ZNF497: variants seen among roughly 807,000 people sequenced by gnomAD.
ZNF497 encodes zinc finger protein 497.
For synonymous variants in ZNF497, 422 were observed against 313.7 expected, an observed-to-expected ratio of 1.35 and a Z score of -3.65; for missense variants, 930 against 714.0, an observed-to-expected ratio of 1.30 and a Z score of -3.45.
chr19:58,361,830 C>T (rs945200253), intron 1 of ZNF497, among the ~76,000 whole-genome samples: 6 of 152,148 alleles, frequency 3.9e-5, no homozygotes, highest in African/African-American at 1.4e-4. Context: ...ATCAGAAATC[C>T]GGGTCCCCCA....
intron 1 of ZNF497, chr19:58,359,627 CAG>C (rs1267535621): frequency 5.6e-6 from 2 of 359,984 alleles, no homozygotes; most frequent in South Asian, 4.1e-5. Context: ...ACAGGACACC[CAG>C]AGTCAGACCA....
chr19:58,358,495 G>A lies in ZNF497; in HGVS notation c.-21C>T. 7 of 1,177,776 alleles carry A rather than the reference G, an allele frequency of 5.9e-6. No homozygotes were observed. Among genetic ancestry groups the A allele is most frequent in the Admixed American group, 3.7e-5 (1 of 26,862 alleles). The allele number at this position is 1,177,776 out of a possible 1,614,324, so 73.0% of individuals were successfully genotyped here. A position where few individuals can be genotyped will look rare whatever the true frequency, so the allele number is the denominator to read the frequency against. On this transcript the variant is annotated 5_prime_UTR_variant, in exon 2 of 3. Coordinates refer to ENST00000311044, the MANE Select transcript of ZNF497 (RefSeq NM_198458.3). ...TGTGTAGATGGTGCCATACCTGGAG[G>A]TGGGGCCTGGAAGGGGCCCAGGGGA...
At chr19:58,359,290 T>C in intron 1 of ZNF497, 1 of 1,281,756 alleles carries the variant, frequency 7.8e-7, no homozygotes, top group Admixed American at 2.3e-5. Context: ...GGGAGGGGAG[T>C]GCAGCTGCAT....
In ZNF497 at chr19:58,356,535, GA is replaced by G. The variant is rs1400229378; in HGVS notation, c.1100del (p.Phe367SerfsTer8). The G allele has an allele frequency of 6.5e-7, 1 of 1,549,868 alleles. No individual in the cohort carries two copies. Among genetic ancestry groups the G allele is most frequent in the Admixed American group, 1.9e-5 (1 of 52,048 alleles). ...GGCTCAGTAGGTTGGAGCGCTGGCT[GA>G]AGGCCTTGCCGCACTGGGCGCACGC... is the stretch of plus-strand genomic sequence containing the variant. ...PHACAQCGKA[F>X]SQRSNLLSHR... On this transcript the variant is annotated frameshift_variant, in exon 3 of 3. Transcript: ENST00000311044. LOFTEE classifies it low-confidence loss of function (END_TRUNC).
chr19:58,358,892 C>G (rs1267589744), intron 1 of ZNF497: 1 of 455,504 alleles, frequency 2.2e-6, no homozygotes, highest in Admixed American at 2.4e-5. Flanking sequence ...CCCAGACCAG[C>G]CCCCACTCAT....
intron 1 of ZNF497, chr19:58,359,513 A>T: frequency 2.2e-6 from 1 of 454,942 alleles, no homozygotes; most frequent in Non-Finnish European, 4.4e-6. Flanking sequence ...TGCTTGTACC[A>T]TCCCTTCCCC....
At chr19:58,361,785 G>A (rs776254191) in intron 1 of ZNF497, among the ~76,000 whole-genome samples, 9 of 152,180 alleles carry the variant, frequency 5.9e-5, no homozygotes, top group Non-Finnish European at 1.0e-4. Flanking sequence ...AACGACATCT[G>A]ATTTCAATAA....
rs910547082 is a variant in ZNF497, at chr19:58,354,575, G to A, written c.*1564C>T. 5 of 152,452 alleles carry A rather than the reference G, an allele frequency of 3.3e-5. No individual in the cohort carries two copies. The highest frequency in any genetic ancestry group is 9.6e-5 in the African/African-American group (4 of 41,586). 9.4% of individuals were successfully genotyped at this position (152,452 alleles called of 1,614,324 possible). ...ATGAAGACCAGCTGGGCACTGCAGC[G>A]GCTCTGGCTTCTGCTGTGAGGGACG... On this transcript the variant is annotated 3_prime_UTR_variant, in exon 3 of 3. Coordinates refer to ENST00000311044, the MANE Select transcript of ZNF497 (RefSeq NM_198458.3).
Position 58,356,211 on chromosome 19 carries a change from G to T in ZNF497, c.1425C>A (p.Cys475Ter). ...TGERPYACGE[C>*]GKPFSHRCNL... ...TGCAACGGTGGCTGAAAGGCTTCCC[G>T]CACTCGCCGCAAGCGTAGGGCCTCT... The change falls in exon 3 of 3, where the codon TGC (cysteine) becomes TGA (stop). Residue 475 changes from cysteine to a stop codon, truncating the protein, a stop_gained. Transcript: ENST00000311044. LOFTEE classifies it low-confidence loss of function (END_TRUNC). 6.2e-6 allele frequency: 10 copies of T among 1,601,294 alleles called. No individual in the cohort carries two copies. Among genetic ancestry groups the T allele is most frequent in the Non-Finnish European group, 6.8e-6 (8 of 1,173,008 alleles).
chr19:58,356,283 G>T lies in ZNF497; in HGVS notation c.1353C>A (p.Phe451Leu), dbSNP rs769969744. ...PFVCAHCSKA[F>L]VRKSELLSHR... Reference sequence around the variant, plus strand: ...GGCTTAAGAGCTCCGACTTGCGCACGAAGGCCTTGCTGCAGTGGGCGCAGA... The same window carrying T: ...GGCTTAAGAGCTCCGACTTGCGCACTAAGGCCTTGCTGCAGTGGGCGCAGA... Residue 451 changes from phenylalanine to leucine, a missense_variant, in exon 3 of 3, where the codon TTC (phenylalanine) becomes TTA (leucine). Coordinates refer to ENST00000311044, the MANE Select transcript of ZNF497 (RefSeq NM_198458.3). The T allele has an allele frequency of 5.0e-6, 8 of 1,597,302 alleles. No individual in the cohort carries two copies. Among genetic ancestry groups the T allele is most frequent in the East Asian group, 2.3e-5 (1 of 44,296 alleles).
intron 1 of ZNF497, among the ~76,000 whole-genome samples, chr19:58,361,380 A>G (rs1390509136): frequency 6.6e-6 from 1 of 151,614 alleles, no homozygotes; most frequent in Non-Finnish European, 1.5e-5. Context: ...TTTTTGAGAC[A>G]GAGTCTCGCT....
In ZNF497 at chr19:58,356,893, C is replaced by T; in HGVS notation, c.743G>A (p.Cys248Tyr). The part of the protein sequence containing the change: ...RVHTGARPHA[C>Y]RDCGKAFSQS... ...GCTGAAGGCCTTGCCACAGTCCCGG[C>T]AGGCGTGCGGCCGCGCGCCCGTGTG... The change falls in exon 3 of 3, where the codon TGC becomes TAC. Residue 248 changes from cysteine to tyrosine, a missense_variant. Coordinates refer to ENST00000311044, the MANE Select transcript of ZNF497 (RefSeq NM_198458.3). The T allele has an allele frequency of 1.3e-6, 2 of 1,593,416 alleles. No individual in the cohort carries two copies.
intron 2 of ZNF497, 180 bp from the exon 3 acceptor site, chr19:58,357,829 G>A: frequency 1.6e-6 from 2 of 1,237,188 alleles, no homozygotes; most frequent in Admixed American, 3.2e-5. Flanking sequence ...TAGACACTCG[G>A]GGGATGGGCC....
rs61732980 is a variant in ZNF497 at position 58,356,684 on chromosome 19, G to A, written c.952C>T (p.Leu318=). Residue 318 remains leucine (L), a synonymous_variant, in exon 3 of 3, where the codon CTG becomes TTG. Transcript: ENST00000311044. ...CCAGTGTGCGTGCGCTGGTGCTGCA[G>A]GAGCTGCGAGCTCTCGCGGAAAGCC... ...GKAFRESSQL[L]QHQRTHTGER... 84 of 1,554,336 alleles carry A rather than the reference G, an allele frequency of 5.4e-5. 1 individual carries two copies. In the African/African-American group the frequency reaches 1.0e-3, roughly 19 times the overall value.
intron 1 of ZNF497, among the ~76,000 whole-genome samples, chr19:58,359,870 G>C (rs1395444912): frequency 6.6e-6 from 1 of 152,026 alleles, no homozygotes; most frequent in Non-Finnish European, 1.5e-5. Context: ...CTACTCGGGA[G>C]GCTGAGGCAG....
chr19:58,358,328 C>T (rs1041464590), intron 2 of ZNF497, 161 bp downstream of exon 2: 2 of 1,269,908 alleles, frequency 1.6e-6, no homozygotes, highest in African/African-American at 1.5e-5. Context: ...CCTCCTTGGT[C>T]CTAAGGCCAT....
rs80179323 is a variant in ZNF497 at position 58,358,830 on chromosome 19, G to A, written c.-111-245C>T. The A allele has an allele frequency of 3.0e-3, 1,349 of 457,254 alleles. 14 individuals are homozygous for A. The highest frequency in any genetic ancestry group is 0.023 in the African/African-American group (1,129 of 50,172). 28.3% of individuals were successfully genotyped at this position (457,254 alleles called of 1,614,324 possible). On this transcript the variant is annotated intron_variant, in intron 1 of 2. Coordinates refer to ENST00000311044, the MANE Select transcript of ZNF497 (RefSeq NM_198458.3). ...CCCTCTCAGCCACCAACCCACGACT[G>A]GCCCCAGTGCTGGCTCAGCTGGGGT...
At chr19:58,360,473 T>C (rs2052079214) in intron 1 of ZNF497, among the ~76,000 whole-genome samples, 3 of 151,998 alleles carry the variant, frequency 2.0e-5, no homozygotes, top group Non-Finnish European at 2.9e-5. Flanking sequence ...CACCTCAGCC[T>C]CCGAAGGAGC....
chr19:58,360,767 CTTTTTTTT>C (rs551580074), intron 1 of ZNF497, among the ~76,000 whole-genome samples: 8 of 34,524 alleles, frequency 2.3e-4, no homozygotes, highest in Non-Finnish European at 2.1e-4. Flanking sequence ...GTCCCGAACT[CTTTTTTTT>C]TTTTTTTTTT....
Sources: gnomAD v4.1 joint callset for allele counts (sites outside exome capture counted in the v4.1 genomes callset) on GRCh38, gnomAD v4.1.1 for gene constraint, MANE v1.5 for transcripts, NCBI Gene and HGNC (gene_info 2026-07-23, HGNC 2026-07-21) for gene names.